The following COP1 variants were observed in gnomAD, a reference collection of about 807,000 sequenced individuals.
COP1 encodes the protein COP1 E3 ubiquitin ligase.
In COP1, 24 loss-of-function variants were observed where a neutral mutation model predicts 101.3. The observed-to-expected ratio is 0.24, with a 90% CI of 0.17 to 0.33. The LOEUF is 0.33. COP1 is among the 10% of genes least tolerant of loss of function. The pLI, the probability that COP1 is intolerant of heterozygous loss-of-function variation, is 1.00. For synonymous variants in COP1, 347 were observed against 341.9 expected (o/e 1.01, Z -0.17); for missense variants, 663 against 906.2 (o/e 0.73, Z 3.45).
intron 18 of COP1, among the ~76,000 whole-genome samples, chr1:175,986,413 C>T (rs919317098): frequency 1.3e-5 from 2 of 152,154 alleles, no homozygotes; most frequent in Non-Finnish European, 2.9e-5. Flanking sequence ...AACCCAGTAG[C>T]ATAACTGTCT....
At chr1:175,969,944 T>C (rs1437324406) in intron 18 of COP1, among the ~76,000 whole-genome samples, 3 of 152,212 alleles carry the variant, frequency 2.0e-5, no homozygotes, top group African/African-American at 7.2e-5. Context: ...ACTAGTGTAT[T>C]ATTCTAGTCA....
intron 18 of COP1, among the ~76,000 whole-genome samples, chr1:175,957,461 T>C (rs919550443): frequency 3.3e-5 from 5 of 152,200 alleles, no homozygotes; most frequent in Non-Finnish European, 7.3e-5. Flanking sequence ...CTATACCACA[T>C]AGCTAAGGTA....
At chr1:176,011,015 G>A (rs1485607954) in intron 15 of COP1, among the ~76,000 whole-genome samples, 2 of 152,166 alleles carry the variant, frequency 1.3e-5, no homozygotes, top group African/African-American at 2.4e-5. Flanking sequence ...ACAGTGAAAA[G>A]AGAACTTTAA....
At chr1:176,061,510 C>T (rs1558028631) in intron 11 of COP1, among the ~76,000 whole-genome samples, 1 of 152,262 alleles carries the variant, frequency 6.6e-6, no homozygotes, top group East Asian at 1.9e-4. Context: ...CCTGTAATCC[C>T]AGCTACTCAG....
intron 15 of COP1, among the ~76,000 whole-genome samples, chr1:176,023,809 C>T (rs1667210987): frequency 6.6e-6 from 1 of 151,598 alleles, no homozygotes; most frequent in Non-Finnish European, 1.5e-5. Context: ...AAGAATAATC[C>T]AAGCCCAGAC....
intron 1 of COP1, among the ~76,000 whole-genome samples, chr1:176,199,596 A>C (rs1327609096): frequency 6.6e-6 from 1 of 152,218 alleles, no homozygotes; most frequent in East Asian, 1.9e-4. Flanking sequence ...CTAAGCAATT[A>C]AAAGAAAAAA....
At chr1:176,039,606 C>T (rs1670173723) in intron 14 of COP1, among the ~76,000 whole-genome samples, 1 of 151,608 alleles carries the variant, frequency 6.6e-6, no homozygotes, top group African/African-American at 2.4e-5. Flanking sequence ...CCTTAAAATT[C>T]ATATAGAATT....
intron 3 of COP1, among the ~76,000 whole-genome samples, chr1:176,167,994 G>C (rs1695395156): frequency 1.3e-5 from 2 of 151,736 alleles, no homozygotes; most frequent in Non-Finnish European, 2.9e-5. Context: ...CACGTTGCAA[G>C]CATACTGTAT....
chr1:176,025,932 C>T (rs1177678641), intron 15 of COP1, among the ~76,000 whole-genome samples: 1 of 151,750 alleles, frequency 6.6e-6, no homozygotes. Context: ...AAAAAGACAC[C>T]TAATGTAACT....
intron 5 of COP1, among the ~76,000 whole-genome samples, chr1:176,160,832 T>C (rs542750507): frequency 6.6e-6 from 1 of 152,310 alleles, no homozygotes; most frequent in East Asian, 1.9e-4. Context: ...TAAGTGTGCC[T>C]GTTATGAAGC....
rs749325955 is a variant in COP1, at chr1:176,046,362, T to C, written c.1278-38A>G. On this transcript the variant is annotated intron_variant, in intron 11 of 19. Transcript: ENST00000367669. ...AGTATGTAATGACAACATTTCAGAA[T>C]TTGCTATTTTCTATTTCTAAAGTAA... is the stretch of plus-strand genomic sequence containing the variant. 4.4e-6 allele frequency: 7 copies of C among 1,586,144 alleles called. No homozygotes were observed. The South Asian group carries it at 8.2e-5, about 18-fold the overall frequency.
chr1:175,974,880 TGCA>T lies in COP1; in HGVS notation c.2133+12060_2133+12062del, dbSNP rs147898019. Among the ~76,000 whole-genome samples the T allele has an allele frequency of 3.0e-3, 408 of 137,760 alleles. 2 individuals carry two copies. The highest frequency in any genetic ancestry group is 0.011 in the African/African-American group (383 of 35,798). 90.4% of individuals were successfully genotyped at this position (137,760 alleles called of 152,430 possible). On this transcript the variant is annotated intron_variant, in intron 18 of 19. Coordinates refer to ENST00000367669, the MANE Select transcript of COP1 (RefSeq NM_022457.7). ...GGTCAAGGCTGCAATGAGCCATGGCTGCACTGCACTACAGCCTAGGTGACAGAC... is the reference window on the plus strand; with the variant it reads ...GGTCAAGGCTGCAATGAGCCATGGCTCTGCACTACAGCCTAGGTGACAGAC...
At chr1:176,087,416 AAATC>A (rs1360685518) in intron 9 of COP1, among the ~76,000 whole-genome samples, 2 of 152,146 alleles carry the variant, frequency 1.3e-5, no homozygotes, top group Middle Eastern at 3.4e-3. Context: ...TTACGAGAAA[AAATC>A]AACCCCATCA....
chr1:176,145,637 T>C (rs978341809), intron 6 of COP1, among the ~76,000 whole-genome samples: 1 of 152,252 alleles, frequency 6.6e-6, no homozygotes, highest in East Asian at 1.9e-4. Flanking sequence ...GCATATTCAC[T>C]TAATGGAATA....
At chr1:176,065,058 G>A (rs1675675786) in intron 11 of COP1, among the ~76,000 whole-genome samples, 1 of 152,186 alleles carries the variant, frequency 6.6e-6, no homozygotes, top group Non-Finnish European at 1.5e-5. Flanking sequence ...TTGTACGTAA[G>A]TCAATAGCCC....
chr1:176,090,142 T>C (rs1220724639), intron 9 of COP1, among the ~76,000 whole-genome samples: 7 of 152,190 alleles, frequency 4.6e-5, no homozygotes, highest in African/African-American at 1.7e-4. Flanking sequence ...ACTTAACTCT[T>C]TGAACCAAGA....
chr1:176,155,115 TA>T (rs894864208), intron 5 of COP1, among the ~76,000 whole-genome samples: 3 of 151,694 alleles, frequency 2.0e-5, no homozygotes, highest in East Asian at 1.9e-4. Context: ...TCATTTCAGT[TA>T]AAAAAAATTA....
chr1:176,088,305 A>G (rs1289137440), intron 9 of COP1, among the ~76,000 whole-genome samples: 2 of 152,228 alleles, frequency 1.3e-5, no homozygotes, highest in Non-Finnish European at 2.9e-5. Context: ...TGAATCTCAA[A>G]AACACTGAAT....
At chr1:176,020,877 T>G (rs1666645918) in intron 15 of COP1, among the ~76,000 whole-genome samples, 1 of 152,228 alleles carries the variant, frequency 6.6e-6, no homozygotes. Context: ...TCACATAATC[T>G]AAAGTATTTA....
Sources: gnomAD v4.1 joint callset for allele counts (sites outside exome capture counted in the v4.1 genomes callset) on GRCh38, gnomAD v4.1.1 for gene constraint, MANE v1.5 for transcripts, NCBI Gene and HGNC (gene_info 2026-07-23, HGNC 2026-07-21) for gene names.